The following PHF21A variants were observed in gnomAD, a reference collection of about 807,000 sequenced individuals.
PHF21A encodes the protein PHD finger protein 21A, also known as BHC80a.
PHF21A carries 11 observed loss-of-function variants against 82.5 expected under a neutral mutation model. The ratio of observed to expected loss-of-function variants is 0.13; its 90% CI spans 0.08 to 0.22. The LOEUF is 0.22. PHF21A is among the 10% of genes least tolerant of loss of function. The pLI is 1.00. For missense variants in PHF21A, 579 were observed against 837.8 expected, an observed-to-expected ratio of 0.69 and a Z score of 3.81; for synonymous variants, 297 against 302.8, an observed-to-expected ratio of 0.98 and a Z score of 0.20.
In PHF21A at chr11:46,114,277, T is replaced by C. The variant is rs192760271; in HGVS notation, c.-237+6658A>G. Among the ~76,000 whole-genome samples the C allele has an allele frequency of 2.9e-3, 449 of 152,314 alleles. 4 individuals are homozygous for C. The highest frequency in any genetic ancestry group is 0.013 in the South Asian group (63 of 4,834). On this transcript the variant is annotated intron_variant, in intron 1 of 18. Transcript: ENST00000676320. ...ATAAGTTTGAGCTAGAATTTACATA[T>C]ATACAGTTGCTACACACCCTCCTAT...
At chr11:46,109,861 T>C (rs1477768415) in intron 1 of PHF21A, among the ~76,000 whole-genome samples, 3 of 151,606 alleles carry the variant, frequency 2.0e-5, no homozygotes, top group Admixed American at 2.0e-4. Flanking sequence ...ATGCCTGTAG[T>C]CCCAACTACT....
chr11:45,965,333 C>T lies in PHF21A; in HGVS notation c.978G>A (p.Lys326=). The change falls in exon 10 of 19, where the codon AAG becomes AAA. Residue 326 remains lysine (K), a synonymous_variant. Transcript: ENST00000676320. ...CCTGTACCTGTTTTTCAAGACTTGG[C>T]TTGCTAAGCTGTACAGTTTGAGGTC... is the stretch of plus-strand genomic sequence containing the variant. ...LAGPQTVQLS[K]PSLEKQTVKS... 6.2e-7 allele frequency: 1 copy of T among 1,613,730 alleles called. No individual in the cohort carries two copies. The highest frequency in any genetic ancestry group is 8.5e-7 in the Non-Finnish European group (1 of 1,179,890).
intron 6 of PHF21A, among the ~76,000 whole-genome samples, chr11:45,982,087 G>T (rs2094321462): frequency 6.6e-6 from 1 of 151,656 alleles, no homozygotes; most frequent in African/African-American, 2.4e-5. Flanking sequence ...CTACCAAGTA[G>T]CTGGGACTAC....
intron 1 of PHF21A, among the ~76,000 whole-genome samples, chr11:46,099,789 A>G (rs2097065988): frequency 3.3e-5 from 5 of 152,214 alleles, no homozygotes; most frequent in Admixed American, 1.3e-4. Flanking sequence ...AAGGAAAGAG[A>G]AATTAAGATT....
At chr11:46,057,290 T>C (rs1400865618) in intron 6 of PHF21A, among the ~76,000 whole-genome samples, 1 of 152,180 alleles carries the variant, frequency 6.6e-6, no homozygotes, top group Admixed American at 6.6e-5. Flanking sequence ...ATAAGTTTTA[T>C]GGGAGAGAGT....
In PHF21A at chr11:45,965,347, C is replaced by T. The variant is rs1253742833; in HGVS notation, c.964G>A (p.Val322Ile). The T allele has an allele frequency of 1.2e-6, 2 of 1,613,748 alleles. No individual in the cohort carries two copies. The highest frequency in any genetic ancestry group is 3.3e-5 in the Admixed American group (2 of 59,962). The change falls in exon 10 of 19, where the codon GTA (valine) becomes ATA (isoleucine). Residue 322 changes from valine to isoleucine, a missense_variant. Coordinates refer to ENST00000676320, the MANE Select transcript of PHF21A (RefSeq NM_001352027.3). ...PGTRLAGPQT[V>I]QLSKPSLEKQ... The stretch of plus-strand genomic sequence containing the variant: ...TCAAGACTTGGCTTGCTAAGCTGTA[C>T]AGTTTGAGGTCCAGCGAGTCTGGTC...
chr11:46,115,478 T>C (rs2097277414), intron 1 of PHF21A, among the ~76,000 whole-genome samples: 1 of 152,174 alleles, frequency 6.6e-6, no homozygotes, highest in Non-Finnish European at 1.5e-5. Flanking sequence ...ATTTAAGAAA[T>C]AATTATCTAC....
Position 45,950,222 on chromosome 11 carries a change from T to G in PHF21A, c.1131A>C (p.Thr377=), listed in dbSNP as rs781082525. The stretch of plus-strand genomic sequence containing the variant: ...TTCTCTTACCTTCTAGATGGTCATG[T>G]GTTACCAACCCTAGAGACACCATGA... ...LAFMVSLGLV[T]HDHLEEIQSK... The change falls in exon 12 of 19, where the codon ACA becomes ACC. Residue 377 remains threonine (T), a synonymous_variant. Transcript: ENST00000676320. 6.2e-7 allele frequency: 1 copy of G among 1,609,966 alleles called. No homozygotes were observed. The highest frequency in any genetic ancestry group is 2.2e-5 in the East Asian group (1 of 44,692).
At chr11:45,936,624 T>C in intron 16 of PHF21A, 55 bp from the exon 17 acceptor site, 2 of 1,116,392 alleles carry the variant, frequency 1.8e-6, no homozygotes, top group Middle Eastern at 3.9e-4. Context: ...ACACATCCTC[T>C]ATGTAACAGC....
rs1593427152 is a variant in PHF21A, at chr11:46,114,086, T to G, written c.-237+6849A>C. ...CCTCCATTCCTCACCTCTAATTCCCTACACACACACACACACACGCACACA... is the reference window on the plus strand; with the variant it reads ...CCTCCATTCCTCACCTCTAATTCCCGACACACACACACACACACGCACACA... On this transcript the variant is annotated intron_variant, in intron 1 of 18. Transcript: ENST00000676320. 2.7e-5 allele frequency among the ~76,000 whole-genome samples: 4 copies of G among 149,162 alleles called. No individual in the cohort carries two copies. In the South Asian group the frequency reaches 6.3e-4, roughly 24 times the overall value.
At chr11:45,986,399 A>G (rs2094493293) in intron 6 of PHF21A, among the ~76,000 whole-genome samples, 1 of 152,156 alleles carries the variant, frequency 6.6e-6, no homozygotes, top group Non-Finnish European at 1.5e-5. Context: ...ACTGCCTTTA[A>G]TTTGTGTCAA....
intron 8 of PHF21A, 42 bp from the exon 9 acceptor site, chr11:45,969,946 C>T (rs1300867226): frequency 2.7e-5 from 33 of 1,232,490 alleles, no homozygotes; most frequent in Non-Finnish European, 3.1e-5. Context: ...AGAACAATTA[C>T]TCTTCAATAT....
intron 6 of PHF21A, among the ~76,000 whole-genome samples, chr11:46,008,971 C>CA (rs1555085195): frequency 4.5e-5 from 5 of 111,582 alleles, no homozygotes; most frequent in Admixed American, 3.1e-4. Flanking sequence ...TCACATTTCA[C>CA]TTTTTTTTTT....
chr11:45,966,670 A>C (rs977617497), intron 9 of PHF21A, among the ~76,000 whole-genome samples: 2 of 152,046 alleles, frequency 1.3e-5, no homozygotes, highest in Non-Finnish European at 2.9e-5. Flanking sequence ...GCCAGGCTGG[A>C]GTGCAGTGGC....
chr11:45,947,770 CCAAGCA>C (rs1565199615), intron 14 of PHF21A, among the ~76,000 whole-genome samples: 1 of 151,982 alleles, frequency 6.6e-6, no homozygotes, highest in Non-Finnish European at 1.5e-5. Flanking sequence ...AAAAAAATCA[CCAAGCA>C]CAAAACAAAA....
rs2087874155 is a variant in PHF21A at position 45,933,097 on chromosome 11, T to C, written c.*871A>G. On this transcript the variant is annotated 3_prime_UTR_variant, in exon 19 of 19. Transcript: ENST00000676320. ...TATAGAAAAGGGATGGAGCTTGTTTTCAAGTAAAATCACTGATCCACCTTT... is the reference window on the plus strand; with the variant it reads ...TATAGAAAAGGGATGGAGCTTGTTTCCAAGTAAAATCACTGATCCACCTTT... 1.3e-5 allele frequency: 2 copies of C among 152,600 alleles called. No individual in the cohort carries two copies. Among genetic ancestry groups the C allele is most frequent in the African/African-American group, 4.8e-5 (2 of 41,458 alleles). 9.5% of individuals were successfully genotyped at this position (152,600 alleles called of 1,614,324 possible).
chr11:46,008,928 CTCT>C (rs2095355839), intron 6 of PHF21A, among the ~76,000 whole-genome samples: 1 of 151,016 alleles, frequency 6.6e-6, no homozygotes, highest in Non-Finnish European at 1.5e-5. Flanking sequence ...TCAGACTGGA[CTCT>C]TCCCTGCTCA....
chr11:46,092,279 G>A (rs1298329493), intron 1 of PHF21A, 56 bp from the exon 2 acceptor site: 4 of 151,988 alleles, frequency 2.6e-5, no homozygotes, highest in Non-Finnish European at 5.9e-5. Flanking sequence ...TTTATGACAT[G>A]TCATTAAAAG....
Position 46,048,997 on chromosome 11 carries a change from T to G in PHF21A, c.153+27757A>C, listed in dbSNP as rs180922435. 5.3e-5 allele frequency among the ~76,000 whole-genome samples: 8 copies of G among 152,294 alleles called. No homozygotes were observed. The East Asian group carries it at 1.4e-3, about 26-fold the overall frequency. ...AGCTAGACCACAGAAGGGAGACTAT[T>G]AACTAGCTGTCTGTTAGGGAATGGC... On this transcript the variant is annotated intron_variant, in intron 6 of 18. Transcript: ENST00000676320.
Sources: allele counts gnomAD v4.1 joint callset (sites outside exome capture counted in the v4.1 genomes callset), GRCh38; gene constraint gnomAD v4.1.1; transcripts MANE v1.5; gene names NCBI Gene and HGNC (gene_info 2026-07-23, HGNC 2026-07-21).